ZDHHC21: variants seen among roughly 807,000 people sequenced by gnomAD.
ZDHHC21 encodes the protein zDHHC palmitoyltransferase 21, also known as palmitoyltransferase ZDHHC21.
ZDHHC21 carries 15 observed loss-of-function variants against 34.6 expected under a neutral mutation model. The ratio of observed to expected loss-of-function variants is 0.43; its 90% CI spans 0.29 to 0.67. The LOEUF is 0.67. ZDHHC21 is among the 30% of genes least tolerant of loss of function. The pLI is 0.14. For missense variants in ZDHHC21, 344 were observed against 327.7 expected, an observed-to-expected ratio of 1.05 and a Z score of -0.38; for synonymous variants, 142 against 101.8, an observed-to-expected ratio of 1.40 and a Z score of -2.38.
rs1824361186 is a variant in ZDHHC21 at position 14,617,203 on chromosome 9, A to C, written c.*1763T>G. 1.3e-5 allele frequency: 2 copies of C among 151,954 alleles called. No homozygotes were observed. Among genetic ancestry groups the C allele is most frequent in the Admixed American group, 6.6e-5 (1 of 15,220 alleles). 9.4% of individuals were successfully genotyped at this position (151,954 alleles called of 1,614,324 possible). ...CCTTGTGCCTGACATGAACATTCTA[A>C]TTTTGTGTTTCACTAAGCTTTATAA... On this transcript the variant is annotated 3_prime_UTR_variant, in exon 10 of 10. Transcript: ENST00000380916.
At chr9:14,678,793 A>T (rs925258514) in intron 3 of ZDHHC21, among the ~76,000 whole-genome samples, 1 of 152,152 alleles carries the variant, frequency 6.6e-6, no homozygotes, top group Admixed American at 6.6e-5. Flanking sequence ...GAATGATCAA[A>T]TAAATTCTAA....
Position 14,615,121 on chromosome 9 carries a change from T to C in ZDHHC21, c.*3845A>G, listed in dbSNP as rs528891118. 2 of 151,814 alleles carry C rather than the reference T, an allele frequency of 1.3e-5. No homozygotes were observed. Among genetic ancestry groups the C allele is most frequent in the East Asian group, 3.9e-4 (2 of 5,166 alleles). 9.4% of individuals were successfully genotyped at this position (151,814 alleles called of 1,614,324 possible). ...TGAAAACACTCAAACTACCCCATGA[T>C]CTAACACACAGAAAATTGTGTAGCT... On this transcript the variant is annotated 3_prime_UTR_variant, in exon 10 of 10. Transcript: ENST00000380916.
At chr9:14,591,871 T>C in the ZDHHC21 span, among the ~76,000 whole-genome samples, 1 of 152,278 alleles carries the variant, frequency 6.6e-6, no homozygotes, top group Non-Finnish European at 1.5e-5. Context: ...AAGGTAGCTA[T>C]TCTAGCTCTT....
At chr9:14,645,717 G>A (rs527412819) in intron 7 of ZDHHC21, among the ~76,000 whole-genome samples, 6 of 152,052 alleles carry the variant, frequency 3.9e-5, no homozygotes, top group Admixed American at 6.6e-5. Flanking sequence ...AATCTAAAAC[G>A]CCCTACAATT....
intron 7 of ZDHHC21, among the ~76,000 whole-genome samples, chr9:14,643,580 C>A (rs1046689056): frequency 1.3e-5 from 2 of 152,166 alleles, no homozygotes; most frequent in African/African-American, 4.8e-5. Context: ...TTTAAGAAAT[C>A]TTTCCTGATG....
chr9:14,613,097 A>C lies in ZDHHC21; in HGVS notation c.*5869T>G, dbSNP rs1405219502. The C allele has an allele frequency of 6.6e-6, 1 of 151,810 alleles. No homozygotes were observed. Among genetic ancestry groups the C allele is most frequent in the Non-Finnish European group, 1.5e-5 (1 of 67,806 alleles). 9.4% of individuals were successfully genotyped at this position (151,810 alleles called of 1,614,324 possible). A position where few individuals can be genotyped will look rare whatever the true frequency, so the allele number is the denominator to read the frequency against. ...ATCAAACTACCTTTTAAAGTAGCCAAGCTATATTAAAATACAAAATTAAAA... is the reference window on the plus strand; with the variant it reads ...ATCAAACTACCTTTTAAAGTAGCCACGCTATATTAAAATACAAAATTAAAA... On this transcript the variant is annotated 3_prime_UTR_variant, in exon 10 of 10. Coordinates refer to ENST00000380916, the MANE Select transcript of ZDHHC21 (RefSeq NM_178566.6).
chr9:14,634,526 TCAC>T (rs1827933605), intron 8 of ZDHHC21, among the ~76,000 whole-genome samples: 1 of 152,078 alleles, frequency 6.6e-6, no homozygotes, highest in African/African-American at 2.4e-5. Flanking sequence ...TAGCAAAATT[TCAC>T]CACAACATCC....
At chr9:14,608,505 C>CAA (rs1823090462), downstream of ZDHHC21, among the ~76,000 whole-genome samples, 1 of 152,064 alleles carries the variant, frequency 6.6e-6, no homozygotes, top group Non-Finnish European at 1.5e-5. Context: ...TTAAAAAATG[C>CAA]AAAACACACT....
chr9:14,619,094 T>A lies in ZDHHC21; in HGVS notation c.670A>T (p.Arg224Trp). The change falls in exon 10 of 10, where the codon AGG (arginine) becomes TGG (tryptophan). Residue 224 changes from arginine to tryptophan, a missense_variant. Transcript: ENST00000380916. ...GTCTGCTGCCATGGCTTTCGGGGCCTCGATCTACAGAAGACAGCATTATTA... is the reference window on the plus strand; with the variant it reads ...GTCTGCTGCCATGGCTTTCGGGGCCACGATCTACAGAAGACAGCATTATTA... Reference protein sequence around the residue: ...KMSNCCEDISRPRKPWQQTFS... With the variant: ...KMSNCCEDISWPRKPWQQTFS... 6.2e-7 allele frequency: 1 copy of A among 1,607,626 alleles called. No homozygotes were observed. The highest frequency in any genetic ancestry group is 8.5e-7 in the Non-Finnish European group (1 of 1,177,112).
chr9:14,601,721 T>A, the ZDHHC21 span, among the ~76,000 whole-genome samples: 1 of 152,162 alleles, frequency 6.6e-6, no homozygotes, highest in Non-Finnish European at 1.5e-5. Flanking sequence ...GTACAATTCA[T>A]AATAGCAAAA....
At chr9:14,654,534 G>C (rs1372333796) in intron 7 of ZDHHC21, among the ~76,000 whole-genome samples, 3 of 151,958 alleles carry the variant, frequency 2.0e-5, no homozygotes, top group Non-Finnish European at 4.4e-5. Flanking sequence ...AAGAAAAAAA[G>C]AGTCAACAGA....
intron 8 of ZDHHC21, among the ~76,000 whole-genome samples, chr9:14,629,961 G>A (rs185172244): frequency 6.0e-4 from 91 of 152,216 alleles, no homozygotes; most frequent in African/African-American, 1.9e-3. Flanking sequence ...CAGGAGAATC[G>A]CTTAAACCCG....
chr9:14,669,001 T>C (rs10961648), intron 5 of ZDHHC21, among the ~76,000 whole-genome samples: 28,016 of 114,174 alleles, frequency 0.25, 3,273 homozygotes, highest in East Asian at 0.34. Flanking sequence ...AATTGACAAA[T>C]GGGATCTAAT....
intron 7 of ZDHHC21, among the ~76,000 whole-genome samples, chr9:14,656,130 C>A (rs913038578): frequency 2.0e-5 from 3 of 151,858 alleles, no homozygotes; most frequent in Non-Finnish European, 3.0e-5. Flanking sequence ...TTCAAACTCT[C>A]AACTTCTAAA....
intron 5 of ZDHHC21, among the ~76,000 whole-genome samples, chr9:14,665,257 G>T (rs1354496322): frequency 7.5e-6 from 1 of 132,560 alleles, no homozygotes; most frequent in Non-Finnish European, 1.6e-5. Context: ...AGCAATGGAA[G>T]ATGAAATGAA....
intron 2 of ZDHHC21, among the ~76,000 whole-genome samples, chr9:14,688,578 G>A (rs1342852801): frequency 7.0e-6 from 1 of 143,198 alleles, no homozygotes; most frequent in Non-Finnish European, 1.5e-5. Flanking sequence ...CAAACAAATG[G>A]GGGCCAGGCA....
rs1833334003 is a variant in ZDHHC21, at chr9:14,661,214, T to C, written c.365+1001A>G. Among the ~76,000 whole-genome samples the C allele has an allele frequency of 1.3e-5, 2 of 152,168 alleles. 1 individual carries two copies. Among genetic ancestry groups the C allele is most frequent in the Admixed American group, 1.3e-4 (2 of 15,284 alleles). ...TTTCCTATTTCAGGAAATTATCTTC[T>C]TTTTAAACAGTCTATGCAAAAAAAC... On this transcript the variant is annotated intron_variant, in intron 6 of 9. Transcript: ENST00000380916.
chr9:14,660,203 T>C (rs1311297136), intron 6 of ZDHHC21, among the ~76,000 whole-genome samples: 2 of 151,610 alleles, frequency 1.3e-5, no homozygotes, highest in East Asian at 1.9e-4. Context: ...CCGTCTCTGC[T>C]AAAAATACAA....
chr9:14,621,994 T>C (rs1447399483), intron 8 of ZDHHC21, among the ~76,000 whole-genome samples: 2 of 152,084 alleles, frequency 1.3e-5, no homozygotes, highest in Non-Finnish European at 2.9e-5. Flanking sequence ...CCTCAAGGAG[T>C]TTAAATACAA....
Sources: gnomAD v4.1 joint callset for allele counts (sites outside exome capture counted in the v4.1 genomes callset) on GRCh38, gnomAD v4.1.1 for gene constraint, MANE v1.5 for transcripts, NCBI Gene and HGNC (gene_info 2026-07-23, HGNC 2026-07-21) for gene names.